The following AGBL1 variants were observed in gnomAD, a reference collection of about 807,000 sequenced individuals.
AGBL1 encodes cytosolic carboxypeptidase 4.
In AGBL1, 130 loss-of-function variants were observed where a neutral mutation model predicts 118.9. That is an observed-to-expected ratio of 1.09 (90% CI 0.95 to 1.26). The LOEUF (loss-of-function observed/expected upper bound fraction) is 1.26, where lower values mean the gene tolerates loss of function less well. AGBL1 is among the 50% of genes most tolerant of loss of function. AGBL1 has a pLI of 0.00. For missense variants in AGBL1, 1,584 were observed against 1,298.1 expected (o/e 1.22, Z -3.38); for synonymous variants, 555 against 478.9 (o/e 1.16, Z -2.08).
chr15:86,978,541 A>C (rs1198016425), intron 23 of AGBL1, among the ~76,000 whole-genome samples: 1 of 152,226 alleles, frequency 6.6e-6, no homozygotes, highest in Non-Finnish European at 1.5e-5. Flanking sequence ...GCTCCTTAAC[A>C]GAAAATGAAT....
intron 22 of AGBL1, among the ~76,000 whole-genome samples, chr15:86,882,222 TC>T (rs1450711163): frequency 6.6e-6 from 1 of 152,192 alleles, no homozygotes; most frequent in Admixed American, 6.5e-5. Context: ...GTACTTTGTT[TC>T]CTAATCACTT....
intron 18 of AGBL1, among the ~76,000 whole-genome samples, chr15:86,424,565 G>T (rs1330359180): frequency 6.6e-6 from 1 of 152,174 alleles, no homozygotes; most frequent in East Asian, 1.9e-4. Flanking sequence ...AAGAGCTTCT[G>T]CCCAGCAAAA....
intron 22 of AGBL1, among the ~76,000 whole-genome samples, chr15:86,781,550 A>G (rs1340083807): frequency 1.3e-5 from 2 of 152,180 alleles, no homozygotes; most frequent in Non-Finnish European, 2.9e-5. Context: ...TTAAGACACA[A>G]AAATCATCTT....
At chr15:86,580,102 A>C (rs1236616066) in intron 21 of AGBL1, among the ~76,000 whole-genome samples, 1 of 152,194 alleles carries the variant, frequency 6.6e-6, no homozygotes, top group African/African-American at 2.4e-5. Context: ...TGAGTATATA[A>C]TCAGACCATT....
chr15:86,697,622 G>C (rs574708895), intron 22 of AGBL1, among the ~76,000 whole-genome samples: 1 of 151,616 alleles, frequency 6.6e-6, no homozygotes, highest in Admixed American at 6.6e-5. Flanking sequence ...CTCCATTGCT[G>C]GTGAGCTTGT....
At chr15:86,442,553 TA>T (rs1180467323) in intron 18 of AGBL1, among the ~76,000 whole-genome samples, 2 of 152,262 alleles carry the variant, frequency 1.3e-5, no homozygotes, top group African/African-American at 2.4e-5. Flanking sequence ...AAGATCATTT[TA>T]GATCTGTCAT....
intron 22 of AGBL1, among the ~76,000 whole-genome samples, chr15:86,780,541 G>A (rs1423786248): frequency 1.3e-5 from 2 of 152,078 alleles, no homozygotes; most frequent in African/African-American, 4.8e-5. Context: ...CACCTTTATT[G>A]GAATCGCATT....
intron 18 of AGBL1, among the ~76,000 whole-genome samples, chr15:86,460,371 C>T (rs2082318405): frequency 6.8e-6 from 1 of 146,538 alleles, no homozygotes; most frequent in African/African-American, 2.6e-5. Flanking sequence ...TGATAGGTAC[C>T]TATAGTCCTA....
chr15:86,574,647 G>A (rs1039951968), intron 21 of AGBL1, among the ~76,000 whole-genome samples: 4 of 132,656 alleles, frequency 3.0e-5, no homozygotes, highest in East Asian at 2.2e-4. Flanking sequence ...GTGTGATCTC[G>A]GCTTACTGCA....
intron 5 of AGBL1, among the ~76,000 whole-genome samples, chr15:86,171,935 C>G (rs901036911): frequency 2.7e-4 from 41 of 152,240 alleles, no homozygotes; most frequent in Middle Eastern, 3.4e-3. Context: ...TGAAGTAACT[C>G]AAGAATAAAA....
intron 21 of AGBL1, among the ~76,000 whole-genome samples, chr15:86,627,034 C>G (rs1480373981): frequency 6.7e-6 from 1 of 148,780 alleles, no homozygotes; most frequent in Non-Finnish European, 1.5e-5. Flanking sequence ...GAGTTTTGCT[C>G]TTGTTGCCCA....
intron 22 of AGBL1, among the ~76,000 whole-genome samples, chr15:86,829,077 G>C: frequency 6.6e-6 from 1 of 151,808 alleles, no homozygotes; most frequent in East Asian, 1.9e-4. Flanking sequence ...TTGATGTCCT[G>C]GTTATTACAT....
chr15:86,139,574 C>T (rs922817345), intron 1 of AGBL1, among the ~76,000 whole-genome samples: 14 of 151,558 alleles, frequency 9.2e-5, no homozygotes, highest in Middle Eastern at 3.3e-3. Context: ...TCCTGGTTAA[C>T]ATGGTGGAAA....
intron 18 of AGBL1, among the ~76,000 whole-genome samples, chr15:86,432,152 C>T (rs544630944): frequency 6.6e-6 from 1 of 152,188 alleles, no homozygotes; most frequent in Admixed American, 6.5e-5. Flanking sequence ...GGGATCCGAC[C>T]TTCTGACAAA....
chr15:86,679,157 A>C (rs759027017), intron 22 of AGBL1, among the ~76,000 whole-genome samples: 9 of 152,182 alleles, frequency 5.9e-5, no homozygotes, highest in Non-Finnish European at 1.3e-4. Flanking sequence ...TAAATTATAG[A>C]TATTTTTGGT....
At chr15:86,892,333 G>A (rs906375295) in intron 22 of AGBL1, among the ~76,000 whole-genome samples, 6 of 152,082 alleles carry the variant, frequency 3.9e-5, no homozygotes, top group African/African-American at 9.7e-5. Context: ...GGAATGACTG[G>A]ATTTTTTTCT....
At chr15:86,870,855 A>T (rs1024510175) in intron 22 of AGBL1, among the ~76,000 whole-genome samples, 2 of 152,230 alleles carry the variant, frequency 1.3e-5, no homozygotes, top group Non-Finnish European at 2.9e-5. Flanking sequence ...CTGATCTTTC[A>T]GTTTGGCCAG....
chr15:86,391,998 C>A (rs763784769), intron 17 of AGBL1, among the ~76,000 whole-genome samples: 14 of 151,894 alleles, frequency 9.2e-5, no homozygotes, highest in Non-Finnish European at 1.8e-4. Context: ...TCCTGTGGTG[C>A]CTTAGTATTT....
intron 22 of AGBL1, among the ~76,000 whole-genome samples, chr15:86,844,180 T>C (rs2079286082): frequency 6.6e-6 from 1 of 152,314 alleles, no homozygotes; most frequent in Middle Eastern, 3.4e-3. Flanking sequence ...TTATAAATAA[T>C]GCTGCCGTGA....
Sources: allele counts gnomAD v4.1 joint callset (sites outside exome capture counted in the v4.1 genomes callset), GRCh38; gene constraint gnomAD v4.1.1; transcripts MANE v1.5; gene names NCBI Gene and HGNC (gene_info 2026-07-23, HGNC 2026-07-21).